Variants in EIF2B3 observed in about 807,000 individuals in gnomAD.
EIF2B3 encodes the protein eukaryotic translation initiation factor 2B subunit gamma.
In EIF2B3, 20 loss-of-function variants were observed where a neutral mutation model predicts 54.1. The ratio of observed to expected loss-of-function variants is 0.37; its 90% CI spans 0.26 to 0.54. The LOEUF (loss-of-function observed/expected upper bound fraction) is 0.54, where lower values mean the gene tolerates loss of function less well. Ranked by LOEUF, EIF2B3 falls within the 20% of genes least tolerant of loss-of-function variation. The probability of loss-of-function intolerance (pLI) is 0.86; values close to 1 mark genes in which losing one functional copy is unlikely to be tolerated. For synonymous variants in EIF2B3, 153 were observed against 188.1 expected (o/e 0.81, Z 1.52); for missense variants, 448 against 547.8 (o/e 0.82, Z 1.82).
At chr1:44,909,450 T>A (rs925436268) in intron 5 of EIF2B3, among the ~76,000 whole-genome samples, 2 of 151,842 alleles carry the variant, frequency 1.3e-5, no homozygotes, top group Non-Finnish European at 2.9e-5. Flanking sequence ...GAAAGGTGAA[T>A]CCTAAACCAT....
At chr1:44,863,701 T>C (rs898853645) in intron 10 of EIF2B3, among the ~76,000 whole-genome samples, 1 of 152,230 alleles carries the variant, frequency 6.6e-6, no homozygotes, top group Non-Finnish European at 1.5e-5. Flanking sequence ...GTATCCATTA[T>C]TGGACTGTGG....
At chr1:44,876,682 C>G (rs541844915) in intron 8 of EIF2B3, among the ~76,000 whole-genome samples, 38 of 121,128 alleles carry the variant, frequency 3.1e-4, no homozygotes, top group East Asian at 2.5e-4. Context: ...GCCACGACCC[C>G]CTCTGGGAGG....
chr1:44,907,716 C>G (rs1163882351), intron 5 of EIF2B3, among the ~76,000 whole-genome samples: 1 of 151,770 alleles, frequency 6.6e-6, no homozygotes, highest in Non-Finnish European at 1.5e-5. Flanking sequence ...GCCTGACCAA[C>G]ATGGAGAAAC....
chr1:44,893,021 T>C (rs1019021293), intron 6 of EIF2B3, among the ~76,000 whole-genome samples: 5 of 152,230 alleles, frequency 3.3e-5, no homozygotes, highest in Non-Finnish European at 7.3e-5. Flanking sequence ...TTGTGCTTAC[T>C]CGTGGCTTTC....
intron 3 of EIF2B3, among the ~76,000 whole-genome samples, chr1:44,962,346 C>T (rs182893254): frequency 6.6e-6 from 1 of 152,102 alleles, no homozygotes; most frequent in Non-Finnish European, 1.5e-5. Flanking sequence ...CACCAAGCAG[C>T]CAATGCTATA....
intron 3 of EIF2B3, among the ~76,000 whole-genome samples, chr1:44,974,183 T>C (rs1306630618): frequency 3.9e-5 from 6 of 152,152 alleles, no homozygotes; most frequent in South Asian, 2.1e-4. Context: ...ATTTTTTTTT[T>C]TTTTAAAGAG....
At chr1:44,985,542 GA>G (rs1644564793) in intron 1 of EIF2B3, among the ~76,000 whole-genome samples, 1 of 152,192 alleles carries the variant, frequency 6.6e-6, no homozygotes, top group African/African-American at 2.4e-5. Flanking sequence ...TCAGATGCCA[GA>G]AATCAAAGTG....
At chr1:44,934,530 G>A (rs1338378351) in intron 4 of EIF2B3, among the ~76,000 whole-genome samples, 1 of 150,648 alleles carries the variant, frequency 6.6e-6, no homozygotes, top group South Asian at 2.1e-4. Context: ...TTTTGAGAAG[G>A]AATTTTGTTC....
chr1:44,895,942 A>T (rs1655956549), intron 6 of EIF2B3, among the ~76,000 whole-genome samples: 1 of 152,180 alleles, frequency 6.6e-6, no homozygotes, highest in Non-Finnish European at 1.5e-5. Context: ...GGAGTGAAAA[A>T]TAAACCCTTC....
chr1:44,905,470 ACTACT>A (rs1465205536), intron 5 of EIF2B3, among the ~76,000 whole-genome samples: 1 of 152,128 alleles, frequency 6.6e-6, no homozygotes, highest in Non-Finnish European at 1.5e-5. Context: ...GCATACATAC[ACTACT>A]CTACGAGCTT....
chr1:44,850,792 G>A lies in EIF2B3; in HGVS notation c.*159C>T. ...ACATGAACATACACTGTGTACACCTGGAGCCCACCTGACATGGAGCTTTGG... is the reference window on the plus strand; with the variant it reads ...ACATGAACATACACTGTGTACACCTAGAGCCCACCTGACATGGAGCTTTGG... On this transcript the variant is annotated 3_prime_UTR_variant, in exon 12 of 12. Coordinates refer to ENST00000360403, the MANE Select transcript of EIF2B3 (RefSeq NM_020365.5). 1.3e-6 allele frequency: 1 copy of A among 749,342 alleles called. No homozygotes were observed. The highest frequency in any genetic ancestry group is 2.3e-6 in the Non-Finnish European group (1 of 432,858). 46.4% of individuals were successfully genotyped at this position (749,342 alleles called of 1,614,324 possible).
chr1:44,874,904 G>C, intron 9 of EIF2B3, 78 bp from the exon 10 acceptor site: 1 of 1,538,098 alleles, frequency 6.5e-7, no homozygotes, highest in Non-Finnish European at 9.0e-7. Context: ...CTCAAGCTGG[G>C]ATCTAATGGG....
In EIF2B3 at chr1:44,926,755, G is replaced by GAA; in HGVS notation, c.455-18_455-17dup. ...CGCTGCTCCACTGAATCATACAAAA[G>GAA]AAAAAAAAAATCAAATAAAGCCATT... On this transcript the variant is annotated splice_polypyrimidine_tract_variant and intron_variant, in intron 4 of 11. Coordinates refer to ENST00000360403, the MANE Select transcript of EIF2B3 (RefSeq NM_020365.5). 2 of 1,538,228 alleles carry GAA rather than the reference G, an allele frequency of 1.3e-6. No individual in the cohort carries two copies. The highest frequency in any genetic ancestry group is 8.9e-7 in the Non-Finnish European group (1 of 1,127,156).
intron 6 of EIF2B3, among the ~76,000 whole-genome samples, chr1:44,883,283 A>C (rs1226076868): frequency 6.6e-6 from 1 of 152,066 alleles, no homozygotes; most frequent in East Asian, 1.9e-4. Flanking sequence ...AGCCCTTCTC[A>C]AAATGAAACT....
At position 44,878,500 on chromosome 1, in the gene EIF2B3, C is replaced by T. The variant is rs566682944; in HGVS notation, c.975+1318G>A. ...CTGGTCTCGAACTCCTGACCTCAGG[C>T]GATCCACCCGTCTCAGCCTCCCAAA... On this transcript the variant is annotated intron_variant, in intron 8 of 11. Coordinates refer to ENST00000360403, the MANE Select transcript of EIF2B3 (RefSeq NM_020365.5). Among the ~76,000 whole-genome samples the T allele has an allele frequency of 8.5e-5, 13 of 152,052 alleles. No homozygotes were observed. In the South Asian group the frequency reaches 2.7e-3, roughly 32 times the overall value.
chr1:44,886,182 C>T (rs1018631569), intron 6 of EIF2B3, among the ~76,000 whole-genome samples: 11 of 151,702 alleles, frequency 7.3e-5, no homozygotes, highest in Admixed American at 1.3e-4. Context: ...TGGGTTCAAG[C>T]GATTCTCCTG....
chr1:44,967,480 C>A (rs989528961), intron 3 of EIF2B3, among the ~76,000 whole-genome samples: 2 of 151,008 alleles, frequency 1.3e-5, no homozygotes, highest in Non-Finnish European at 2.9e-5. Context: ...GTGGCTCATG[C>A]CTGTAATCCC....
intron 3 of EIF2B3, among the ~76,000 whole-genome samples, chr1:44,956,752 T>C (rs971350127): frequency 6.6e-6 from 1 of 152,184 alleles, no homozygotes; most frequent in Non-Finnish European, 1.5e-5. Flanking sequence ...GGAAACTGAA[T>C]AAGCATTTGG....
chr1:44,900,838 A>T (rs1643280049), intron 5 of EIF2B3, among the ~76,000 whole-genome samples: 1 of 152,126 alleles, frequency 6.6e-6, no homozygotes, highest in Non-Finnish European at 1.5e-5. Context: ...GGATCTTTTC[A>T]TGTGCTTGTT....
Sources: allele counts gnomAD v4.1 joint callset (sites outside exome capture counted in the v4.1 genomes callset), GRCh38; gene constraint gnomAD v4.1.1; transcripts MANE v1.5; gene names NCBI Gene and HGNC (gene_info 2026-07-23, HGNC 2026-07-21).